The following ITPR2 variants were observed in gnomAD, a reference collection of about 807,000 sequenced individuals.
ITPR2 encodes inositol 1,4,5-trisphosphate receptor type 2.
ITPR2 carries 207 observed loss-of-function variants against 317.1 expected under a neutral mutation model. The ratio of observed to expected loss-of-function variants is 0.65; its 90% confidence interval spans 0.58 to 0.73. The LOEUF (loss-of-function observed/expected upper bound fraction) is 0.73, where lower values mean the gene tolerates loss of function less well. Among genes scored for constraint, ITPR2 ranks in the 30% least tolerant of loss-of-function variants. The pLI is 0.00. For missense variants in ITPR2, 2,613 were observed against 3,284.0 expected, an observed-to-expected ratio of 0.80 and a Z score of 4.99; for synonymous variants, 1,156 against 1,149.1, an observed-to-expected ratio of 1.01 and a Z score of -0.12.
chr12:26,472,163 C>T (rs1223204271), intron 45 of ITPR2, among the ~76,000 whole-genome samples: 1 of 152,170 alleles, frequency 6.6e-6, no homozygotes, highest in Non-Finnish European at 1.5e-5. Context: ...GGAAATGACT[C>T]CTTGTGTCAC....
intron 9 of ITPR2, among the ~76,000 whole-genome samples, chr12:26,706,956 C>T (rs948833816): frequency 6.6e-6 from 1 of 152,132 alleles, no homozygotes; most frequent in Non-Finnish European, 1.5e-5. Context: ...ACAGGACCGC[C>T]CTTTTATTTC....
chr12:26,807,892 G>T (rs1242135007), intron 1 of ITPR2, among the ~76,000 whole-genome samples: 6 of 152,214 alleles, frequency 3.9e-5, no homozygotes, highest in Admixed American at 3.9e-4. Flanking sequence ...TCTTAAACAT[G>T]GCATGAAGAA....
At chr12:26,587,689 G>A (rs901556037) in intron 32 of ITPR2, among the ~76,000 whole-genome samples, 26 of 150,418 alleles carry the variant, frequency 1.7e-4, no homozygotes, top group Non-Finnish European at 7.4e-5. Flanking sequence ...GCAGAGGAGT[G>A]ACGATCATCT....
chr12:26,534,264 C>A (rs1228290341), intron 37 of ITPR2, among the ~76,000 whole-genome samples: 1 of 152,094 alleles, frequency 6.6e-6, no homozygotes, highest in Non-Finnish European at 1.5e-5. Flanking sequence ...GTATTCCTGG[C>A]AAGAATCAGC....
At chr12:26,499,152 C>T (rs1446684491) in intron 37 of ITPR2, among the ~76,000 whole-genome samples, 1 of 152,130 alleles carries the variant, frequency 6.6e-6, no homozygotes, top group African/African-American at 2.4e-5. Context: ...CTATTGAAAA[C>T]CAACCAAAGA....
At chr12:26,631,754 T>C in intron 22 of ITPR2, 112 bp downstream of exon 22, 1 of 874,408 alleles carries the variant, frequency 1.1e-6, no homozygotes. Context: ...AATAAAATTA[T>C]ATTGATAGCA....
chr12:26,450,381 TA>T (rs1481914636), intron 45 of ITPR2, among the ~76,000 whole-genome samples: 1 of 152,184 alleles, frequency 6.6e-6, no homozygotes, highest in African/African-American at 2.4e-5. Context: ...AATTTGGGGA[TA>T]AGACAGGATC....
intron 45 of ITPR2, among the ~76,000 whole-genome samples, chr12:26,467,277 A>T (rs1324625675): frequency 2.0e-5 from 3 of 152,170 alleles, no homozygotes; most frequent in Non-Finnish European, 4.4e-5. Context: ...CTATCAGGAA[A>T]TCCAAAAAAT....
At chr12:26,473,683 A>C (rs1942347061) in intron 45 of ITPR2, among the ~76,000 whole-genome samples, 1 of 152,146 alleles carries the variant, frequency 6.6e-6, no homozygotes, top group African/African-American at 2.4e-5. Flanking sequence ...TTCTGTGTTC[A>C]TTCTAGTAGC....
In ITPR2 at chr12:26,349,853, A is replaced by T. The variant is rs571565705; in HGVS notation, c.7858-9525T>A. ...TGCTCCCAATGGCAGAGGGAAAAAG[A>T]GTCTCCATGAAAGTGCCCATGAAGG... On this transcript the variant is annotated intron_variant, in intron 55 of 56. Coordinates refer to ENST00000381340, the MANE Select transcript of ITPR2 (RefSeq NM_002223.4). 3.4e-3 allele frequency among the ~76,000 whole-genome samples: 525 copies of T among 152,354 alleles called. 4 individuals are homozygous for T. The highest frequency in any genetic ancestry group is 3.4e-3 in the Middle Eastern group (1 of 294).
At chr12:26,374,691 G>A (rs1212499099) in intron 55 of ITPR2, among the ~76,000 whole-genome samples, 1 of 152,200 alleles carries the variant, frequency 6.6e-6, no homozygotes, top group East Asian at 1.9e-4. Context: ...AGGAATCCTA[G>A]TAAAGGGGAG....
chr12:26,565,414 A>G (rs1348221688), intron 34 of ITPR2, among the ~76,000 whole-genome samples: 1 of 151,742 alleles, frequency 6.6e-6, no homozygotes. Flanking sequence ...TAGTCCCCAG[A>G]AGGCTTACTT....
chr12:26,515,705 T>C (rs1261743416), intron 37 of ITPR2, among the ~76,000 whole-genome samples: 1 of 151,430 alleles, frequency 6.6e-6, no homozygotes, highest in African/African-American at 2.4e-5. Flanking sequence ...CCCAAGAAGT[T>C]AAGGCAAAAA....
rs1314146256 is a variant in ITPR2, at chr12:26,656,556, A to G, written c.2193-8T>C. The G allele has an allele frequency of 6.2e-7, 1 of 1,613,852 alleles. No homozygotes were observed. On this transcript the variant is annotated splice_polypyrimidine_tract_variant and splice_region_variant and intron_variant, in intron 18 of 56. Transcript: ENST00000381340. ...AAGAGGTTTAGCTGGTACCTTAAAA[A>G]TGGTAAACATATTACATTATTGTCT... is the stretch of plus-strand genomic sequence containing the variant.
In ITPR2 at chr12:26,551,883, C is replaced by A. The variant is rs893161186; in HGVS notation, c.4965-1528G>T. Among the ~76,000 whole-genome samples the A allele has an allele frequency of 2.0e-5, 3 of 152,252 alleles. No homozygotes were observed. The South Asian group carries it at 6.2e-4, about 32-fold the overall frequency. ...AGAGATGTGGTTTGGAAAGAAGGGACTGGAATATTAACCTCAAGAGTCTGG... is the reference window on the plus strand; with the variant it reads ...AGAGATGTGGTTTGGAAAGAAGGGAATGGAATATTAACCTCAAGAGTCTGG... On this transcript the variant is annotated intron_variant, in intron 36 of 56. Coordinates refer to ENST00000381340, the MANE Select transcript of ITPR2 (RefSeq NM_002223.4).
chr12:26,626,609 G>A (rs928343670), intron 23 of ITPR2, among the ~76,000 whole-genome samples: 6 of 152,256 alleles, frequency 3.9e-5, no homozygotes, highest in African/African-American at 1.4e-4. Context: ...CTTCTGAGAA[G>A]CAGAAAAACA....
chr12:26,365,116 G>C (rs184971287), intron 55 of ITPR2, among the ~76,000 whole-genome samples: 41 of 152,318 alleles, frequency 2.7e-4, no homozygotes, highest in Non-Finnish European at 2.9e-5. Context: ...ACAGAAGGGA[G>C]TCATAGTTTT....
Position 26,728,901 on chromosome 12 carries a change from G to A in ITPR2, c.164-3136C>T, listed in dbSNP as rs1415202680. Among the ~76,000 whole-genome samples, 3 of 152,292 alleles carry A rather than the reference G, an allele frequency of 2.0e-5. No homozygotes were observed. In the East Asian group the frequency reaches 5.8e-4, roughly 29 times the overall value. On this transcript the variant is annotated intron_variant, in intron 2 of 56. Coordinates refer to ENST00000381340, the MANE Select transcript of ITPR2 (RefSeq NM_002223.4). ...ATCCTTACAGAGCTCTCAGCAAAGA[G>A]TAATGAAAAGTAGTTTAAGTTCCTT...
At chr12:26,682,967 A>G (rs549885581) in intron 11 of ITPR2, among the ~76,000 whole-genome samples, 61 of 152,316 alleles carry the variant, frequency 4.0e-4, no homozygotes, top group African/African-American at 1.4e-3. Flanking sequence ...ACTGAATCAG[A>G]AACTTTGGGG....
Sources: gnomAD v4.1 joint callset for allele counts (sites outside exome capture counted in the v4.1 genomes callset) on GRCh38, gnomAD v4.1.1 for gene constraint, MANE v1.5 for transcripts, NCBI Gene and HGNC (gene_info 2026-07-23, HGNC 2026-07-21) for gene names.